The following UCK1 variants were observed in gnomAD, a reference collection of about 807,000 sequenced individuals.
The protein encoded by UCK1 is uridine-cytidine kinase 1, also known as cytidine monophosphokinase 1.
Under a neutral mutation model 34.0 loss-of-function variants are expected in UCK1, and 20 were observed. The observed-to-expected ratio is 0.59, with a 90% CI of 0.41 to 0.86. UCK1 has a LOEUF of 0.86. UCK1 is among the 40% of genes least tolerant of loss of function. UCK1 has a pLI of 0.00. For missense variants in UCK1, 343 were observed against 383.6 expected (o/e 0.89, Z 0.88); for synonymous variants, 168 against 155.9 (o/e 1.08, Z -0.58).
Position 131,531,226 on chromosome 9 carries a change from C to T in UCK1, c.-52G>A. On this transcript the variant is annotated 5_prime_UTR_variant, in exon 1 of 7. Coordinates refer to ENST00000372215, the MANE Select transcript of UCK1 (RefSeq NM_031432.5). ...TCCCCGCGCCCGCCCCTTCCCCAGGCCCGGCGCGCCCGCCCAGCGCCGAGG... is the reference window on the plus strand; with the variant it reads ...TCCCCGCGCCCGCCCCTTCCCCAGGTCCGGCGCGCCCGCCCAGCGCCGAGG... The T allele has an allele frequency of 7.6e-7, 1 of 1,316,990 alleles. No individual in the cohort carries two copies. The highest frequency in any genetic ancestry group is 9.7e-7 in the Non-Finnish European group (1 of 1,030,728). The allele number at this position is 1,316,990 out of a possible 1,614,324, so 81.6% of individuals were successfully genotyped here. A position where few individuals can be genotyped will look rare whatever the true frequency, so the allele number is the denominator to read the frequency against.
At position 131,529,191 on chromosome 9, in the gene UCK1, G is replaced by A. The variant is rs1426171951; in HGVS notation, c.445C>T (p.Arg149Trp). 6.2e-6 allele frequency: 10 copies of A among 1,613,974 alleles called. No homozygotes were observed. Among genetic ancestry groups the A allele is most frequent in the Non-Finnish European group, 6.8e-6 (8 of 1,180,018 alleles). Residue 149 changes from arginine to tryptophan, a missense_variant, in exon 4 of 7, where the codon CGG becomes TGG. Coordinates refer to ENST00000372215, the MANE Select transcript of UCK1 (RefSeq NM_031432.5). ...GILVFYSQEI[R>W]DMFHLRLFVD... Reference sequence around the variant, plus strand: ...AAGAGGCGCAGGTGGAACATGTCCCGGATCTCCTGGCTGTAGAACACCAAG... The same window carrying A: ...AAGAGGCGCAGGTGGAACATGTCCCAGATCTCCTGGCTGTAGAACACCAAG...
Position 131,525,934 on chromosome 9 carries a change from T to C in UCK1, c.647A>G (p.Asn216Ser). 6.2e-7 allele frequency: 1 copy of C among 1,613,940 alleles called. No homozygotes were observed. The highest frequency in any genetic ancestry group is 8.5e-7 in the Non-Finnish European group (1 of 1,179,934). Residue 216 changes from asparagine to serine, a missense_variant, in exon 6 of 7, where the codon AAT (asparagine) becomes AGT (serine). Asn to Ser is a conservative substitution (Grantham distance 46). Coordinates refer to ENST00000372215, the MANE Select transcript of UCK1 (RefSeq NM_031432.5). ...ADVIIPRGVD[N>S]MVAINLIVQH... The stretch of plus-strand genomic sequence containing the variant: ...CCAGCAGGCCAGCTTCTTACCCATA[T>C]TGTCCACTCCTCGCGGGATGATCAC...
chr9:131,531,157 G>A lies in UCK1; in HGVS notation c.18C>T (p.Gly6=), dbSNP rs1242609391. 4.9e-6 allele frequency: 7 copies of A among 1,428,290 alleles called. No homozygotes were observed. The highest frequency in any genetic ancestry group is 2.8e-5 in the Admixed American group (1 of 36,224). 88.5% of individuals were successfully genotyped at this position (1,428,290 alleles called of 1,614,324 possible). Residue 6 remains glycine (G), a synonymous_variant, in exon 1 of 7, where the codon GGC becomes GGT. Coordinates refer to ENST00000372215, the MANE Select transcript of UCK1 (RefSeq NM_031432.5). MASAG[G]EDCESPAPEA... ...CCGGCGCGGGGCTCTCGCAGTCTTCGCCTCCCGCCGAAGCCATCTCGGCCT... is the reference window on the plus strand; with the variant it reads ...CCGGCGCGGGGCTCTCGCAGTCTTCACCTCCCGCCGAAGCCATCTCGGCCT...
intron 1 of UCK1, 75 bp downstream of exon 1, chr9:131,530,992 T>G: frequency 8.0e-7 from 1 of 1,256,814 alleles, no homozygotes; most frequent in East Asian, 3.2e-5. Context: ...CGGCCGGGGC[T>G]GGGGTCTCCT....
chr9:131,526,277 G>T, intron 5 of UCK1: 1 of 712,960 alleles, frequency 1.4e-6, no homozygotes, highest in Non-Finnish European at 2.3e-6. Flanking sequence ...GGAGACAGCT[G>T]GCTACGCTAA....
At chr9:131,525,274 G>A in intron 6 of UCK1, 53 bp from the exon 7 acceptor site, 1 of 1,609,030 alleles carries the variant, frequency 6.2e-7, no homozygotes, top group Middle Eastern at 2.2e-4. Context: ...CCTCCGTGGA[G>A]ACCGCCCCTC....
At chr9:131,528,814 A>C (rs1564407131) in intron 5 of UCK1, 130 bp downstream of exon 5, 1 of 1,174,032 alleles carries the variant, frequency 8.5e-7, no homozygotes, top group Non-Finnish European at 1.2e-6. Flanking sequence ...ATGTGGCCAT[A>C]ATGAGCCAAA....
rs59739507 is a variant in UCK1 at position 131,525,005 on chromosome 9, C to A, written c.*35G>T. On this transcript the variant is annotated 3_prime_UTR_variant, in exon 7 of 7. Coordinates refer to ENST00000372215, the MANE Select transcript of UCK1 (RefSeq NM_031432.5). ...AGGCTCAGTCCCTGAACACACATGCCGGGCGGGAGACCTGCCCTGAGGCTC... is the reference window on the plus strand; with the variant it reads ...AGGCTCAGTCCCTGAACACACATGCAGGGCGGGAGACCTGCCCTGAGGCTC... 1.3e-4 allele frequency: 200 copies of A among 1,593,388 alleles called. 4 individuals carry two copies. The African/African-American group carries it at 1.5e-3, about 12-fold the overall frequency.
At position 131,529,582 on chromosome 9, in the gene UCK1, C is replaced by T. The variant is rs766731813; in HGVS notation, c.271G>A (p.Ala91Thr). The change falls in exon 3 of 7, where the codon GCC becomes ACC. Residue 91 changes from alanine to threonine, a missense_variant and splice_region_variant. Physicochemically the swap from Ala to Thr is moderately conservative, Grantham distance 58. Transcript: ENST00000372215. ...KGQYNFDHPD[A>T]FDNDLMHRTL... ...CTGTGCATCAAATCATTATCAAAGGCATCTGCAGGGTTGGAGACAAAGGCA... is the reference window on the plus strand; with the variant it reads ...CTGTGCATCAAATCATTATCAAAGGTATCTGCAGGGTTGGAGACAAAGGCA... 1 of 1,614,134 alleles carries T rather than the reference C, an allele frequency of 6.2e-7. No homozygotes were observed. The highest frequency in any genetic ancestry group is 8.5e-7 in the Non-Finnish European group (1 of 1,180,010).
chr9:131,529,309 C>T, intron 3 of UCK1, 39 bp from the exon 4 acceptor site: 1 of 1,612,274 alleles, frequency 6.2e-7, no homozygotes, highest in Middle Eastern at 1.7e-4. Flanking sequence ...GCTGCAGACA[C>T]AGGGTCTCCA....
chr9:131,527,846 C>T (rs898100122), intron 5 of UCK1, among the ~76,000 whole-genome samples: 16 of 152,066 alleles, frequency 1.1e-4, no homozygotes, highest in African/African-American at 3.6e-4. Flanking sequence ...CACTGTACTC[C>T]AGCCTGGGCA....
Position 131,530,467 on chromosome 9 carries a change from C to T in UCK1, c.268+19G>A. Reference sequence around the variant, plus strand: ...AGAATGGGGTCTGCCCTCCCCACATCGTTGGGCTCGCGATTTACCTGGATG... The same window carrying T: ...AGAATGGGGTCTGCCCTCCCCACATTGTTGGGCTCGCGATTTACCTGGATG... On this transcript the variant is annotated intron_variant, in intron 2 of 6. Transcript: ENST00000372215. The T allele has an allele frequency of 6.2e-7, 1 of 1,613,182 alleles. No homozygotes were observed. The highest frequency in any genetic ancestry group is 8.5e-7 in the Non-Finnish European group (1 of 1,179,166).
Position 131,529,479 on chromosome 9 carries a change from C to T in UCK1, c.365+9G>A, listed in dbSNP as rs754408665. The T allele has an allele frequency of 3.1e-6, 5 of 1,614,176 alleles. No homozygotes were observed. The highest frequency in any genetic ancestry group is 1.6e-4 in the Middle Eastern group (1 of 6,062). On this transcript the variant is annotated intron_variant, in intron 3 of 6. Coordinates refer to ENST00000372215, the MANE Select transcript of UCK1 (RefSeq NM_031432.5). ...CTCTCCTCGGCCCTCCCTAGAACCACCTGCTTACCTTGAGTGTGTCACAAA... is the reference window on the plus strand; with the variant it reads ...CTCTCCTCGGCCCTCCCTAGAACCATCTGCTTACCTTGAGTGTGTCACAAA...
chr9:131,528,909 G>A (rs1235190486), intron 5 of UCK1, 35 bp downstream of exon 5: 1 of 1,610,798 alleles, frequency 6.2e-7, no homozygotes, highest in Non-Finnish European at 8.5e-7. Context: ...CTTGTGAAAG[G>A]GGAAAATGGG....
At position 131,531,230 on chromosome 9, in the gene UCK1, G is replaced by C. The variant is rs1950835071; in HGVS notation, c.-56C>G. The C allele has an allele frequency of 2.3e-6, 3 of 1,314,624 alleles. No individual in the cohort carries two copies. Among genetic ancestry groups the C allele is most frequent in the Admixed American group, 4.1e-5 (1 of 24,120 alleles). 81.4% of individuals were successfully genotyped at this position (1,314,624 alleles called of 1,614,324 possible). A position where few individuals can be genotyped will look rare whatever the true frequency, so the allele number is the denominator to read the frequency against. On this transcript the variant is annotated 5_prime_UTR_variant, in exon 1 of 7. Transcript: ENST00000372215. ...CGCGCCCGCCCCTTCCCCAGGCCCG[G>C]CGCGCCCGCCCAGCGCCGAGGTCGG...
chr9:131,526,017 C>T (rs1588529798), intron 5 of UCK1, 40 bp from the exon 6 acceptor site: 2 of 1,612,252 alleles, frequency 1.2e-6, no homozygotes, highest in African/African-American at 1.3e-5. Context: ...GAGGACTTTT[C>T]CTTCAAAGGT....
At chr9:131,528,035 G>A (rs1950673629) in intron 5 of UCK1, among the ~76,000 whole-genome samples, 1 of 152,062 alleles carries the variant, frequency 6.6e-6, no homozygotes, top group African/African-American at 2.4e-5. Flanking sequence ...TTAGCTGGGT[G>A]TGGTGGCGTA....
intron 5 of UCK1, chr9:131,526,303 G>C: frequency 1.2e-6 from 1 of 850,014 alleles, no homozygotes. Flanking sequence ...CAATTCACTG[G>C]GCCAAGCTAA....
Position 131,530,739 on chromosome 9 carries a change from G to A in UCK1, c.109-94C>T, listed in dbSNP as rs540465829. 5.6e-6 allele frequency: 9 copies of A among 1,609,448 alleles called. No individual in the cohort carries two copies. In the Admixed American group the frequency reaches 1.3e-4, roughly 24 times the overall value. ...GGAGACACTGACCCACCCGCCCCCT[G>A]GGGGGTATGCTCGGAAGGCGGGAGG... On this transcript the variant is annotated intron_variant, in intron 1 of 6. Coordinates refer to ENST00000372215, the MANE Select transcript of UCK1 (RefSeq NM_031432.5).
Sources: gnomAD v4.1 joint callset for allele counts (sites outside exome capture counted in the v4.1 genomes callset) on GRCh38, gnomAD v4.1.1 for gene constraint, MANE v1.5 for transcripts, NCBI Gene and HGNC (gene_info 2026-07-23, HGNC 2026-07-21) for gene names.